DISP1: variants seen among roughly 807,000 people sequenced by gnomAD.
DISP1 encodes the protein dispatched RND transporter family member 1.
DISP1 carries 30 observed loss-of-function variants against 37.3 expected under a neutral mutation model. That is an observed-to-expected ratio of 0.80 (90% confidence interval 0.60 to 1.09). DISP1 has a LOEUF of 1.09. DISP1 is among the 50% of genes least tolerant of loss of function. The pLI is 0.00. For synonymous variants in DISP1, 634 were observed against 690.2 expected, an observed-to-expected ratio of 0.92 and a Z score of 1.28; for missense variants, 1,598 against 1,879.5, an observed-to-expected ratio of 0.85 and a Z score of 2.77.
At chr1:222,912,184 G>GA (rs1201351575) in intron 1 of DISP1, among the ~76,000 whole-genome samples, 6 of 150,470 alleles carry the variant, frequency 4.0e-5, no homozygotes, top group South Asian at 2.1e-4. Flanking sequence ...GAGGTTATAA[G>GA]AAAAAAAAAT....
intron 3 of DISP1, among the ~76,000 whole-genome samples, chr1:222,962,655 A>C (rs1376437944): frequency 6.6e-6 from 1 of 152,206 alleles, no homozygotes; most frequent in Non-Finnish European, 1.5e-5. Flanking sequence ...TCTTCAACTA[A>C]TCTGACAAAA....
At chr1:222,870,039 G>C (rs955479255) in intron 1 of DISP1, among the ~76,000 whole-genome samples, 1 of 152,014 alleles carries the variant, frequency 6.6e-6, no homozygotes, top group Non-Finnish European at 1.5e-5. Context: ...AACATGCGGT[G>C]TTTGGTTTTT....
At chr1:222,961,053 G>T (rs1046503115) in intron 3 of DISP1, among the ~76,000 whole-genome samples, 4 of 152,098 alleles carry the variant, frequency 2.6e-5, no homozygotes, top group African/African-American at 7.2e-5. Flanking sequence ...AGAGGAGCTG[G>T]TACCATTCCT....
chr1:222,843,284 A>C (rs1667712644), intron 1 of DISP1, among the ~76,000 whole-genome samples: 1 of 152,108 alleles, frequency 6.6e-6, no homozygotes. Flanking sequence ...CCTTTAAAGA[A>C]TAAATAACAG....
intron 2 of DISP1, among the ~76,000 whole-genome samples, chr1:222,938,145 T>TTAC (rs777702908): frequency 3.9e-5 from 6 of 152,156 alleles, no homozygotes; most frequent in Admixed American, 2.0e-4. Flanking sequence ...AGTGCTGGGA[T>TTAC]TACAGGCATG....
intron 1 of DISP1, among the ~76,000 whole-genome samples, chr1:222,856,275 A>G (rs535784757): frequency 6.6e-6 from 1 of 152,354 alleles, no homozygotes; most frequent in Non-Finnish European, 1.5e-5. Context: ...TGTAGCCCAG[A>G]TGAAACTAAT....
At position 222,857,244 on chromosome 1, in the gene DISP1, G is replaced by A. The variant is rs147290979; in HGVS notation, c.-159+42166G>A. Among the ~76,000 whole-genome samples, 132 of 152,024 alleles carry A rather than the reference G, an allele frequency of 8.7e-4. 1 individual carries two copies. Among genetic ancestry groups the A allele is most frequent in the Non-Finnish European group, 1.6e-3 (110 of 67,998 alleles). ...AAATAGCTACTGCATTGCAGCCTGG[G>A]CAACATAGTGAGACTACATATCTAA... On this transcript the variant is annotated intron_variant, in intron 1 of 8. Transcript: ENST00000675850.
At chr1:222,842,085 A>G (rs1667642523) in intron 1 of DISP1, among the ~76,000 whole-genome samples, 1 of 152,142 alleles carries the variant, frequency 6.6e-6, no homozygotes, top group Non-Finnish European at 1.5e-5. Context: ...TTAGTGGTCT[A>G]GGAAAGAGGT....
At chr1:222,854,062 A>G (rs1045390502) in intron 1 of DISP1, among the ~76,000 whole-genome samples, 5 of 152,198 alleles carry the variant, frequency 3.3e-5, no homozygotes, top group Non-Finnish European at 7.3e-5. Context: ...CTTGAAACAT[A>G]TAAAATTTGC....
At chr1:222,820,374 C>T (rs1304592408) in intron 1 of DISP1, among the ~76,000 whole-genome samples, 3 of 152,134 alleles carry the variant, frequency 2.0e-5, no homozygotes, top group Non-Finnish European at 4.4e-5. Flanking sequence ...ACAAGCTAGC[C>T]ATTGGGTGAT....
At chr1:222,959,838 T>C (rs1287355146) in intron 3 of DISP1, among the ~76,000 whole-genome samples, 1 of 146,304 alleles carries the variant, frequency 6.8e-6, no homozygotes, top group Non-Finnish European at 1.5e-5. Flanking sequence ...GCAATCCTAG[T>C]CTCTGACAAA....
chr1:222,960,470 AG>A (rs889114259), intron 3 of DISP1, among the ~76,000 whole-genome samples: 1 of 152,232 alleles, frequency 6.6e-6, no homozygotes, highest in Non-Finnish European at 1.5e-5. Context: ...CAGCTAAAGC[AG>A]TGTTAAGAGG....
At chr1:223,001,553 C>A (rs775677353) in intron 8 of DISP1, among the ~76,000 whole-genome samples, 1 of 152,250 alleles carries the variant, frequency 6.6e-6, no homozygotes, top group Non-Finnish European at 1.5e-5. Flanking sequence ...GCTTCTGTGA[C>A]AAAATACCTC....
chr1:222,990,403 G>C (rs1419126370), intron 4 of DISP1, among the ~76,000 whole-genome samples: 2 of 152,108 alleles, frequency 1.3e-5, no homozygotes, highest in Non-Finnish European at 2.9e-5. Context: ...CAAAAATGAG[G>C]GGACAATGAT....
At chr1:222,838,673 G>A (rs1667401247) in intron 1 of DISP1, among the ~76,000 whole-genome samples, 1 of 152,210 alleles carries the variant, frequency 6.6e-6, no homozygotes, top group Non-Finnish European at 1.5e-5. Flanking sequence ...TCAGGAAGCT[G>A]AGGTAGGAAG....
chr1:222,931,250 G>A (rs1224081093), intron 2 of DISP1, among the ~76,000 whole-genome samples: 2 of 151,154 alleles, frequency 1.3e-5, no homozygotes, highest in African/African-American at 4.9e-5. Flanking sequence ...CAATGTGTGG[G>A]AGTAAAATTT....
At chr1:222,873,900 A>T (rs568467097) in intron 1 of DISP1, among the ~76,000 whole-genome samples, 1 of 152,138 alleles carries the variant, frequency 6.6e-6, no homozygotes, top group East Asian at 1.9e-4. Flanking sequence ...ATGTTTTTGC[A>T]GTGGCTGGTA....
Position 223,004,130 on chromosome 1 carries a change from G to A in DISP1, c.2733G>A (p.Gly911=). Residue 911 remains glycine (G), a synonymous_variant, in exon 9 of 9, where the codon GGG becomes GGA. Coordinates refer to ENST00000675850, the MANE Select transcript of DISP1 (RefSeq NM_001377229.1). The surrounding 1 kb of genome is among the most constrained non-coding windows in gnomAD (Gnocchi z 4.9). The part of the protein sequence containing the change: ...TGYHLDSKTP[G]PRFDINDTIR... ...ACCATTTGGATAGCAAAACCCCAGG[G>A]CCGAGGTTTGATATCAATGATACTA... 1 of 1,614,150 alleles carries A rather than the reference G, an allele frequency of 6.2e-7. No homozygotes were observed. The highest frequency in any genetic ancestry group is 1.1e-5 in the South Asian group (1 of 91,076).
intron 3 of DISP1, among the ~76,000 whole-genome samples, chr1:222,976,485 C>T (rs577901353): frequency 3.9e-5 from 6 of 151,986 alleles, no homozygotes; most frequent in South Asian, 2.1e-4. Context: ...CTGTTTGTCA[C>T]GTCCATTTGT....
Sources: allele counts gnomAD v4.1 joint callset (sites outside exome capture counted in the v4.1 genomes callset), GRCh38; gene constraint gnomAD v4.1.1; non-coding constraint Gnocchi (gnomAD v3.1); transcripts MANE v1.5; gene names NCBI Gene and HGNC (gene_info 2026-07-23, HGNC 2026-07-21).